Variants in ARHGAP32 observed in about 807,000 individuals in gnomAD.
ARHGAP32 encodes Rho GTPase activating protein 32, also known as rho GTPase-activating protein 32.
ARHGAP32 carries 51 observed loss-of-function variants against 186.5 expected under a neutral mutation model. The ratio of observed to expected loss-of-function variants is 0.27; its 90% CI spans 0.22 to 0.35. The LOEUF is 0.35. Ranked by LOEUF, ARHGAP32 falls within the 10% of genes least tolerant of loss-of-function variation. The pLI is 1.00. For missense variants in ARHGAP32, 2,186 were observed against 2,623.5 expected (o/e 0.83, Z 3.64); for synonymous variants, 950 against 964.3 (o/e 0.99, Z 0.27).
chr11:129,130,475 C>T (rs1051636208), intron 2 of ARHGAP32, among the ~76,000 whole-genome samples: 2 of 151,386 alleles, frequency 1.3e-5, no homozygotes, highest in African/African-American at 4.8e-5. Context: ...AAATTACAAA[C>T]AAGGAAGTTA....
intron 2 of ARHGAP32, among the ~76,000 whole-genome samples, chr11:129,135,723 C>T (rs879749513): frequency 5.9e-5 from 9 of 151,848 alleles, no homozygotes; most frequent in African/African-American, 7.3e-5. Context: ...GCTGAGATCG[C>T]GCCACTGCAC....
At chr11:129,252,073 C>A (rs1253541395) in intron 1 of ARHGAP32, among the ~76,000 whole-genome samples, 1 of 151,792 alleles carries the variant, frequency 6.6e-6, no homozygotes, top group Non-Finnish European at 1.5e-5. Context: ...ATTTAAATAT[C>A]AATTATTAAA....
intron 5 of ARHGAP32, among the ~76,000 whole-genome samples, chr11:129,118,238 A>G (rs1032246815): frequency 3.9e-5 from 6 of 152,038 alleles, no homozygotes; most frequent in African/African-American, 1.2e-4. Context: ...TGTAATATTA[A>G]TATTTGACAA....
intron 5 of ARHGAP32, among the ~76,000 whole-genome samples, chr11:129,119,672 G>T (rs1942470190): frequency 6.6e-6 from 1 of 152,046 alleles, no homozygotes; most frequent in Non-Finnish European, 1.5e-5. Flanking sequence ...CAAAGAGAGG[G>T]AGATGAGGAA....
rs1942625017 is a variant in ARHGAP32, at chr11:129,124,897, T to C, written c.226-3A>G. The C allele has an allele frequency of 6.2e-7, 1 of 1,600,778 alleles. No individual in the cohort carries two copies. The highest frequency in any genetic ancestry group is 1.7e-5 in the Admixed American group (1 of 57,368). On this transcript the variant is annotated splice_polypyrimidine_tract_variant and splice_region_variant and intron_variant, in intron 2 of 22. Transcript: ENST00000682385. The stretch of plus-strand genomic sequence containing the variant: ...TCTGGAACATCTGCGCCTCTTGCCT[T>C]AAAAAATAAAGACAAAATATTTATG...
chr11:129,031,385 G>GA (rs1342419990), intron 11 of ARHGAP32, among the ~76,000 whole-genome samples: 2 of 152,158 alleles, frequency 1.3e-5, no homozygotes, highest in East Asian at 1.9e-4. Context: ...GAGGCCAAAT[G>GA]TGTATACCCA....
chr11:128,971,061 A>G lies in ARHGAP32; in HGVS notation c.4152T>C (p.Ala1384=), dbSNP rs1196787480. 2 of 1,613,960 alleles carry G rather than the reference A, an allele frequency of 1.2e-6. No individual in the cohort carries two copies. Among genetic ancestry groups the G allele is most frequent in the East Asian group, 2.2e-5 (1 of 44,892 alleles). The change falls in exon 23 of 23, where the codon GCT becomes GCC. Residue 1384 remains alanine, a synonymous_variant. Transcript: ENST00000682385. ...GGACAGCTGTAGCCATGGGACACTGAGCAGCAGCAGCACCACTGTCACTGA... is the reference window on the plus strand; with the variant it reads ...GGACAGCTGTAGCCATGGGACACTGGGCAGCAGCAGCACCACTGTCACTGA... The part of the protein sequence containing the change: ...AFISDSGAAA[A]QCPMATAVQP...
chr11:129,167,254 C>T (rs898550237), intron 1 of ARHGAP32, among the ~76,000 whole-genome samples: 12 of 152,120 alleles, frequency 7.9e-5, no homozygotes, highest in Non-Finnish European at 1.6e-4. Context: ...AATCACACCC[C>T]TCATTCATTA....
At chr11:129,053,600 A>G (rs908981277) in intron 10 of ARHGAP32, among the ~76,000 whole-genome samples, 3 of 152,310 alleles carry the variant, frequency 2.0e-5, no homozygotes, top group South Asian at 4.1e-4. Flanking sequence ...ATACAGTGTA[A>G]TGACAAAGGG....
Position 128,967,638 on chromosome 11 carries a change from CT to C in ARHGAP32, c.*1268del, listed in dbSNP as rs1251970598. On this transcript the variant is annotated 3_prime_UTR_variant, in exon 23 of 23. Coordinates refer to ENST00000682385, the MANE Select transcript of ARHGAP32 (RefSeq NM_001378024.1). ...TCTCCAGAGTTATAAAGAGCTATAC[CT>C]GAAATGCTGGTGTAGATGGTAATTA... 1 of 152,102 alleles carries C rather than the reference CT, an allele frequency of 6.6e-6. No homozygotes were observed. Among genetic ancestry groups the C allele is most frequent in the Non-Finnish European group, 1.5e-5 (1 of 68,040 alleles). 9.4% of individuals were successfully genotyped at this position (152,102 alleles called of 1,614,324 possible).
At position 129,057,658 on chromosome 11, in the gene ARHGAP32, G is replaced by A. The variant is rs995428113; in HGVS notation, c.963+4622C>T. On this transcript the variant is annotated intron_variant, in intron 10 of 22. Transcript: ENST00000682385. ...CCAAAAGCCTGCCCTCCATATATGA[G>A]GGTTTCACATCCCACAAATACTGTA... Among the ~76,000 whole-genome samples the A allele has an allele frequency of 2.0e-5, 3 of 149,624 alleles. No homozygotes were observed. The East Asian group carries it at 5.9e-4, about 29-fold the overall frequency.
At chr11:129,143,046 C>T (rs1943091088) in intron 2 of ARHGAP32, among the ~76,000 whole-genome samples, 1 of 88,028 alleles carries the variant, frequency 1.1e-5, no homozygotes, top group African/African-American at 4.0e-5. Context: ...AAAAAAATAG[C>T]AGCTGTCTAT....
intron 10 of ARHGAP32, among the ~76,000 whole-genome samples, chr11:129,044,053 A>G (rs1939709344): frequency 6.8e-6 from 1 of 146,154 alleles, no homozygotes; most frequent in African/African-American, 2.5e-5. Flanking sequence ...TTTATATTAA[A>G]CAAGTTTTCA....
At chr11:129,006,717 T>A (rs681408) in intron 11 of ARHGAP32, among the ~76,000 whole-genome samples, 19,403 of 152,170 alleles carry the variant, frequency 0.13, 1,337 homozygotes, top group Middle Eastern at 0.15. Flanking sequence ...AAGCCCACTG[T>A]AACTGCTACC....
At chr11:129,232,282 T>C (rs1256856158) in intron 1 of ARHGAP32, among the ~76,000 whole-genome samples, 6 of 152,124 alleles carry the variant, frequency 3.9e-5, no homozygotes, top group African/African-American at 1.4e-4. Flanking sequence ...TAAAGCACTT[T>C]ACACTTTATA....
intron 1 of ARHGAP32, among the ~76,000 whole-genome samples, chr11:129,183,228 C>T (rs546020124): frequency 1.3e-5 from 2 of 152,076 alleles, no homozygotes; most frequent in South Asian, 4.1e-4. Context: ...GTTTTAATTA[C>T]TGAGACTAAG....
In ARHGAP32 at chr11:129,123,751, T is replaced by A. The variant is rs1942590871; in HGVS notation, c.359+137A>T. On this transcript the variant is annotated intron_variant, in intron 4 of 22. Transcript: ENST00000682385. The surrounding 1 kb of genome is among the most constrained non-coding windows in gnomAD (Gnocchi z 4.6). ...ATCAAAACCCAAAATAAAAAAAGCA[T>A]CACCGTTATCTCCTAATTTTGACCC... is the stretch of plus-strand genomic sequence containing the variant. The A allele has an allele frequency of 2.7e-6, 2 of 752,428 alleles. No homozygotes were observed. The highest frequency in any genetic ancestry group is 2.0e-6 in the Non-Finnish European group (1 of 490,058). The allele number at this position is 752,428 out of a possible 1,614,324, so 46.6% of individuals were successfully genotyped here. A position where few individuals can be genotyped will look rare whatever the true frequency, so the allele number is the denominator to read the frequency against.
intron 1 of ARHGAP32, among the ~76,000 whole-genome samples, chr11:129,197,779 T>G (rs1944411312): frequency 6.6e-6 from 1 of 152,168 alleles, no homozygotes; most frequent in African/African-American, 2.4e-5. Context: ...CATTCAAAAT[T>G]TAGATTTTTT....
At chr11:129,153,152 A>T (rs555610396) in intron 2 of ARHGAP32, among the ~76,000 whole-genome samples, 1 of 152,172 alleles carries the variant, frequency 6.6e-6, no homozygotes, top group Admixed American at 6.6e-5. Context: ...TGCCAAAAAA[A>T]AAAAATTAGG....
Sources: allele counts gnomAD v4.1 joint callset (sites outside exome capture counted in the v4.1 genomes callset), GRCh38; gene constraint gnomAD v4.1.1; non-coding constraint Gnocchi (gnomAD v3.1); transcripts MANE v1.5; gene names NCBI Gene and HGNC (gene_info 2026-07-23, HGNC 2026-07-21).